WDR27: variants seen among roughly 807,000 people sequenced by gnomAD.
WDR27 encodes WD repeat domain 27, also known as WD repeat-containing protein 27.
WDR27 carries 100 observed loss-of-function variants against 114.4 expected under a neutral mutation model. The observed-to-expected ratio is 0.87, with a 90% CI of 0.74 to 1.03. The LOEUF (loss-of-function observed/expected upper bound fraction) is 1.03, where lower values mean the gene tolerates loss of function less well. WDR27 is among the 50% of genes least tolerant of loss of function. The pLI is 0.00. For synonymous variants in WDR27, 449 were observed against 423.1 expected (o/e 1.06, Z -0.75); for missense variants, 1,129 against 1,092.9 (o/e 1.03, Z -0.47).
chr6:169,688,257 A>T (rs909516971), intron 2 of WDR27, among the ~76,000 whole-genome samples: 6 of 152,202 alleles, frequency 3.9e-5, no homozygotes, highest in Non-Finnish European at 7.3e-5. Context: ...TTAATCAAAG[A>T]AACCAGCACA....
chr6:169,564,880 G>T (rs989587644), intron 25 of WDR27, among the ~76,000 whole-genome samples: 17 of 152,346 alleles, frequency 1.1e-4, no homozygotes, highest in Non-Finnish European at 1.6e-4. Flanking sequence ...AGTAATGAAC[G>T]CCCGCGTCCT....
At chr6:169,557,476 T>G (rs113622859) in intron 25 of WDR27, among the ~76,000 whole-genome samples, 3 of 152,234 alleles carry the variant, frequency 2.0e-5, no homozygotes, top group Non-Finnish European at 4.4e-5. Flanking sequence ...TGTTCATTTG[T>G]TCATTGTAAC....
intron 15 of WDR27, 49 bp from the exon 16 acceptor site, chr6:169,647,919 A>G: frequency 7.4e-7 from 1 of 1,354,530 alleles, no homozygotes; most frequent in Non-Finnish European, 1.0e-6. Flanking sequence ...TCACAGTGAG[A>G]TTAGAAGTAA....
chr6:169,551,780 G>A (rs865990903), intron 25 of WDR27, among the ~76,000 whole-genome samples: 44 of 150,334 alleles, frequency 2.9e-4, no homozygotes, highest in Non-Finnish European at 4.1e-4. Flanking sequence ...AAGAAAAAAC[G>A]TGTCTTATTA....
At chr6:169,618,886 G>C (rs564008396) in intron 21 of WDR27, among the ~76,000 whole-genome samples, 24 of 152,052 alleles carry the variant, frequency 1.6e-4, no homozygotes, top group African/African-American at 5.1e-4. Context: ...TTTTAAAAAA[G>C]CTATTAAAAA....
intron 18 of WDR27, among the ~76,000 whole-genome samples, chr6:169,637,794 G>A (rs903057594): frequency 2.7e-5 from 4 of 149,360 alleles, no homozygotes; most frequent in South Asian, 2.1e-4. Context: ...TGCCTACTGC[G>A]TGTGTCTGAG....
chr6:169,549,046 T>G (rs1055957434), intron 25 of WDR27, among the ~76,000 whole-genome samples: 1 of 152,134 alleles, frequency 6.6e-6, no homozygotes, highest in African/African-American at 2.4e-5. Flanking sequence ...AAAGAATAAC[T>G]GAAAATCAGG....
At chr6:169,613,875 T>A (rs181436864) in intron 21 of WDR27, among the ~76,000 whole-genome samples, 8 of 152,344 alleles carry the variant, frequency 5.3e-5, no homozygotes, top group South Asian at 2.1e-4. Flanking sequence ...ATGTTCTCTT[T>A]ATGTGTAATG....
At chr6:169,679,341 C>T (rs548066632) in intron 2 of WDR27, among the ~76,000 whole-genome samples, 26 of 152,096 alleles carry the variant, frequency 1.7e-4, no homozygotes, top group Non-Finnish European at 3.2e-4. Flanking sequence ...TGACTCTTTT[C>T]GTCGACAAGA....
At chr6:169,615,736 C>G (rs1479209259) in intron 21 of WDR27, among the ~76,000 whole-genome samples, 1 of 152,116 alleles carries the variant, frequency 6.6e-6, no homozygotes, top group Non-Finnish European at 1.5e-5. Context: ...GATTTCATGA[C>G]AAAGACACCA....
chr6:169,429,184 C>A, the WDR27 span, among the ~76,000 whole-genome samples: 3 of 152,124 alleles, frequency 2.0e-5, no homozygotes, highest in Admixed American at 1.3e-4. Context: ...CGGCGCTGGG[C>A]GGCTTTGGCT....
intron 25 of WDR27, among the ~76,000 whole-genome samples, chr6:169,509,862 A>C (rs1015306979): frequency 2.0e-5 from 3 of 152,210 alleles, no homozygotes; most frequent in Non-Finnish European, 4.4e-5. Context: ...AATGGGAGAA[A>C]ATTTTTGCAA....
chr6:169,426,483 G>C, the WDR27 span: 37 of 152,090 alleles, frequency 2.4e-4, no homozygotes, highest in African/African-American at 6.5e-4. Flanking sequence ...GTAAGATATA[G>C]ACTTATTTTA....
At chr6:169,599,553 T>A (rs954881484) in intron 23 of WDR27, among the ~76,000 whole-genome samples, 2 of 152,136 alleles carry the variant, frequency 1.3e-5, no homozygotes, top group African/African-American at 4.8e-5. Flanking sequence ...TGCGTAGAGG[T>A]GTTTATAGTA....
intron 2 of WDR27, among the ~76,000 whole-genome samples, chr6:169,674,724 T>C (rs986615288): frequency 6.6e-6 from 1 of 152,112 alleles, no homozygotes; most frequent in African/African-American, 2.4e-5. Flanking sequence ...ATGATAAAGT[T>C]TGGATGTCCC....
chr6:169,430,072 G>T, the WDR27 span, among the ~76,000 whole-genome samples: 2 of 152,216 alleles, frequency 1.3e-5, no homozygotes, highest in East Asian at 1.9e-4. Flanking sequence ...AGCTGCAGAA[G>T]GGCACAGGGC....
At chr6:169,493,623 T>A (rs1456288518) in intron 25 of WDR27, among the ~76,000 whole-genome samples, 1 of 152,164 alleles carries the variant, frequency 6.6e-6, no homozygotes, top group Non-Finnish European at 1.5e-5. Flanking sequence ...TATGAAATAG[T>A]AATTGAATAT....
downstream of WDR27, among the ~76,000 whole-genome samples, chr6:169,453,260 C>A (rs902460565): frequency 5.9e-5 from 9 of 152,190 alleles, no homozygotes; most frequent in South Asian, 2.1e-4. Context: ...GAGGACCAGG[C>A]TCCCCAGAGC....
intron 2 of WDR27, among the ~76,000 whole-genome samples, chr6:169,685,268 GA>G (rs60810429): frequency 2.0e-4 from 29 of 141,562 alleles, no homozygotes; most frequent in Admixed American, 5.6e-4. Flanking sequence ...GAAAATCAAA[GA>G]AAAAAAAAAG....
Sources: gnomAD v4.1 joint callset for allele counts (sites outside exome capture counted in the v4.1 genomes callset) on GRCh38, gnomAD v4.1.1 for gene constraint, MANE v1.5 for transcripts, NCBI Gene and HGNC (gene_info 2026-07-23, HGNC 2026-07-21) for gene names.